The following PCCA variants were observed in gnomAD, a reference collection of about 807,000 sequenced individuals.
PCCA encodes propionyl-CoA carboxylase alpha chain, mitochondrial.
PCCA carries 74 observed loss-of-function variants against 101.3 expected under a neutral mutation model. The observed-to-expected ratio is 0.73, with a 90% confidence interval of 0.61 to 0.89. The LOEUF (loss-of-function observed/expected upper bound fraction) is 0.89. PCCA is among the 40% of genes least tolerant of loss of function. The pLI is 0.00. For synonymous variants in PCCA, 294 were observed against 313.6 expected, an observed-to-expected ratio of 0.94 and a Z score of 0.66; for missense variants, 891 against 907.0, an observed-to-expected ratio of 0.98 and a Z score of 0.23.
At chr13:100,327,467 T>G (rs887022843) in intron 16 of PCCA, among the ~76,000 whole-genome samples, 4 of 152,242 alleles carry the variant, frequency 2.6e-5, no homozygotes, top group Non-Finnish European at 4.4e-5. Flanking sequence ...GTTAATTCAT[T>G]TGCCTCTTAA....
intron 6 of PCCA, among the ~76,000 whole-genome samples, chr13:100,196,695 A>G (rs1027795024): frequency 6.6e-6 from 1 of 152,210 alleles, no homozygotes; most frequent in Non-Finnish European, 1.5e-5. Flanking sequence ...GTTTGTGAGT[A>G]TGTCATTAGA....
intron 21 of PCCA, among the ~76,000 whole-genome samples, chr13:100,487,863 C>A (rs1183928673): frequency 6.6e-6 from 1 of 151,538 alleles, no homozygotes; most frequent in African/African-American, 2.4e-5. Context: ...GCAGCTGGGA[C>A]TACCGAAGCA....
At chr13:100,281,922 C>T (rs1166214388) in intron 12 of PCCA, among the ~76,000 whole-genome samples, 2 of 152,124 alleles carry the variant, frequency 1.3e-5, no homozygotes, top group African/African-American at 4.8e-5. Flanking sequence ...AATATATGTG[C>T]TTTTATAAAT....
chr13:100,235,887 T>A lies in PCCA; in HGVS notation c.637+9T>A. 1 of 1,576,182 alleles carries A rather than the reference T, an allele frequency of 6.3e-7. No homozygotes were observed. The highest frequency in any genetic ancestry group is 8.7e-7 in the Non-Finnish European group (1 of 1,145,330). ...AATTGCAAGGGAAATTGGTAAGTCC[T>A]TAAATTAACTTTGGTAGGATTTCTG... On this transcript the variant is annotated intron_variant, in intron 8 of 23. Coordinates refer to ENST00000376285, the MANE Select transcript of PCCA (RefSeq NM_000282.4).
In PCCA at chr13:100,422,070, T is replaced by TTTCTTTCTTTCTTTATTTC. The variant is rs10668689; in HGVS notation, c.1747-3561_1747-3560insCTTTCTTTCTTTATTTCTT. On this transcript the variant is annotated intron_variant, in intron 19 of 23. Coordinates refer to ENST00000376285, the MANE Select transcript of PCCA (RefSeq NM_000282.4). ...TCTTTTCCTTTTCTCTTCTCTTTTC[T>TTTCTTTCTTTCTTTATTTC]TTTCTTTCTTTCTTTCTTTCTTTCT... Among the ~76,000 whole-genome samples the TTTCTTTCTTTCTTTATTTC allele has an allele frequency of 7.1e-4, 79 of 110,704 alleles. 1 individual carries two copies. The highest frequency in any genetic ancestry group is 2.6e-3 in the African/African-American group (76 of 28,820). 72.6% of individuals were successfully genotyped at this position (110,704 alleles called of 152,430 possible).
At chr13:100,495,907 C>T (rs2085239847) in intron 21 of PCCA, among the ~76,000 whole-genome samples, 1 of 152,176 alleles carries the variant, frequency 6.6e-6, no homozygotes, top group Admixed American at 6.5e-5. Flanking sequence ...CAGATAATTT[C>T]ACCCAGAGTC....
intron 22 of PCCA, among the ~76,000 whole-genome samples, chr13:100,519,319 C>A (rs769879299): frequency 6.6e-6 from 1 of 152,216 alleles, no homozygotes; most frequent in Non-Finnish European, 1.5e-5. Flanking sequence ...CTTTTTCTTG[C>A]GAATTAGCCC....
rs2070112740 is a variant in PCCA, at chr13:100,334,405, CTT to C, written c.1540+3736_1540+3737del. Among the ~76,000 whole-genome samples the C allele has an allele frequency of 2.0e-5, 3 of 152,288 alleles. No homozygotes were observed. In the South Asian group the frequency reaches 6.2e-4, roughly 32 times the overall value. On this transcript the variant is annotated intron_variant, in intron 17 of 23. Transcript: ENST00000376285. ...TTTACCAGCAAACCACTGCCTAACT[CTT>C]TGGCCTGCATATTGAGCAGAGTCCC...
rs180895370 is a variant in PCCA at position 100,162,866 on chromosome 13, A to G, written c.468+5526A>G. Among the ~76,000 whole-genome samples, 27 of 152,270 alleles carry G rather than the reference A, an allele frequency of 1.8e-4. No individual in the cohort carries two copies. The East Asian group carries it at 4.8e-3, about 27-fold the overall frequency. On this transcript the variant is annotated intron_variant, in intron 6 of 23. Coordinates refer to ENST00000376285, the MANE Select transcript of PCCA (RefSeq NM_000282.4). ...TTCCTTTTCATAATAATTTTATAAT[A>G]TTTTTCTAGTTGTGACTTGTACATA...
intron 20 of PCCA, among the ~76,000 whole-genome samples, chr13:100,433,558 C>T (rs1260990795): frequency 6.6e-6 from 1 of 151,904 alleles, no homozygotes; most frequent in East Asian, 1.9e-4. Flanking sequence ...TATAAAACCA[C>T]ATACCATTCT....
At chr13:100,185,467 A>C (rs2057173171) in intron 6 of PCCA, among the ~76,000 whole-genome samples, 1 of 151,706 alleles carries the variant, frequency 6.6e-6, no homozygotes. Context: ...CTCCCACCTC[A>C]GCCTCCCGGG....
intron 21 of PCCA, among the ~76,000 whole-genome samples, chr13:100,454,726 A>G (rs2081584896): frequency 6.6e-6 from 1 of 152,208 alleles, no homozygotes; most frequent in South Asian, 2.1e-4. Flanking sequence ...GACTAAGAGA[A>G]GTACTTCTGT....
At chr13:100,116,480 T>G (rs2048809752) in intron 4 of PCCA, among the ~76,000 whole-genome samples, 1 of 152,176 alleles carries the variant, frequency 6.6e-6, no homozygotes, top group Non-Finnish European at 1.5e-5. Flanking sequence ...AGAAAAATGT[T>G]GGCTTTTAGA....
At chr13:100,488,616 T>G in intron 21 of PCCA, among the ~76,000 whole-genome samples, 1 of 123,096 alleles carries the variant, frequency 8.1e-6, no homozygotes, top group Admixed American at 9.0e-5. Context: ...TATCTACAAG[T>G]TTTGTTTTTT....
At chr13:100,170,010 C>T (rs1469860685) in intron 6 of PCCA, among the ~76,000 whole-genome samples, 1 of 152,054 alleles carries the variant, frequency 6.6e-6, no homozygotes, top group Non-Finnish European at 1.5e-5. Flanking sequence ...TGAACTCATG[C>T]TTTTTGATTC....
At chr13:100,378,794 C>G (rs1339391624) in intron 19 of PCCA, among the ~76,000 whole-genome samples, 1 of 151,616 alleles carries the variant, frequency 6.6e-6, no homozygotes, top group Admixed American at 6.6e-5. Flanking sequence ...TTTATGATAC[C>G]CATCTTTTTG....
At position 100,496,518 on chromosome 13, in the gene PCCA, C is replaced by T. The variant is rs1295308435; in HGVS notation, c.1900-18909C>T. ...CGTAACGGTGGTGCTGCTGCGTTGT[C>T]CTCGTTGTCCCCTCTCGGGAGGCGC... is the stretch of plus-strand genomic sequence containing the variant. On this transcript the variant is annotated intron_variant, in intron 21 of 23. Transcript: ENST00000376285. 3.3e-5 allele frequency among the ~76,000 whole-genome samples: 5 copies of T among 151,936 alleles called. No individual in the cohort carries two copies. The East Asian group carries it at 5.8e-4, about 18-fold the overall frequency.
intron 6 of PCCA, among the ~76,000 whole-genome samples, chr13:100,183,660 G>A (rs2056996690): frequency 6.6e-6 from 1 of 152,158 alleles, no homozygotes; most frequent in Admixed American, 6.5e-5. Context: ...CACAGGTGGA[G>A]GGGACATTCC....
intron 6 of PCCA, among the ~76,000 whole-genome samples, chr13:100,180,763 G>A (rs563559301): frequency 1.3e-4 from 20 of 152,342 alleles, no homozygotes; most frequent in African/African-American, 4.8e-4. Context: ...ATGAATGCAT[G>A]TATATTGGCA....
Sources: allele counts gnomAD v4.1 joint callset (sites outside exome capture counted in the v4.1 genomes callset), GRCh38; gene constraint gnomAD v4.1.1; transcripts MANE v1.5; gene names NCBI Gene and HGNC (gene_info 2026-07-23, HGNC 2026-07-21).